ACVR1C: variants seen among roughly 807,000 people sequenced by gnomAD.
The protein encoded by ACVR1C is activin A receptor type 1C.
In ACVR1C, 23 loss-of-function variants were observed where a neutral mutation model predicts 57.9. The observed-to-expected ratio is 0.40, with a 90% CI of 0.29 to 0.56. The LOEUF is 0.56. Among genes scored for constraint, ACVR1C ranks in the 20% least tolerant of loss-of-function variants. ACVR1C has a pLI of 0.50. For missense variants in ACVR1C, 480 were observed against 607.9 expected (o/e 0.79, Z 2.21); for synonymous variants, 214 against 215.3 (o/e 0.99, Z 0.05).
In ACVR1C at chr2:157,541,011, G is replaced by C. The variant is rs76224828; in HGVS notation, c.1225+79C>G. The C allele has an allele frequency of 2.8e-3, 4,140 of 1,489,510 alleles. 100 individuals carry two copies. The African/African-American group carries it at 0.05, about 18-fold the overall frequency. 92.3% of individuals were successfully genotyped at this position (1,489,510 alleles called of 1,614,324 possible). A position where few individuals can be genotyped will look rare whatever the true frequency, so the allele number is the denominator to read the frequency against. On this transcript the variant is annotated intron_variant, in intron 7 of 8. Transcript: ENST00000243349. ...GAAACTGATTGAATATAGTGCTTAGGGGAAAAAGATAGAATATCACATCTT... is the reference window on the plus strand; with the variant it reads ...GAAACTGATTGAATATAGTGCTTAGCGGAAAAAGATAGAATATCACATCTT...
intron 1 of ACVR1C, among the ~76,000 whole-genome samples, chr2:157,627,572 C>T (rs1682924092): frequency 6.6e-6 from 1 of 152,074 alleles, no homozygotes; most frequent in Non-Finnish European, 1.5e-5. Flanking sequence ...AAGAGGAAAA[C>T]GACCCACCAT....
intron 1 of ACVR1C, among the ~76,000 whole-genome samples, chr2:157,625,839 G>A (rs1283986522): frequency 6.6e-6 from 1 of 152,082 alleles, no homozygotes; most frequent in Admixed American, 6.5e-5. Flanking sequence ...AGAACTCCAG[G>A]ACATTTTCTG....
At chr2:157,561,472 C>A (rs1360910265) in intron 2 of ACVR1C, among the ~76,000 whole-genome samples, 1 of 152,126 alleles carries the variant, frequency 6.6e-6, no homozygotes, top group African/African-American at 2.4e-5. Flanking sequence ...GATGTTCTGT[C>A]CATCCATCCC....
At chr2:157,550,026 A>T in intron 4 of ACVR1C, 136 bp downstream of exon 4, 12 of 754,436 alleles carry the variant, frequency 1.6e-5, no homozygotes, top group East Asian at 2.7e-5. Flanking sequence ...AAGAAAGAAA[A>T]GGAAAAGGAA....
At chr2:157,608,819 G>C (rs1682465084) in intron 1 of ACVR1C, among the ~76,000 whole-genome samples, 2 of 151,696 alleles carry the variant, frequency 1.3e-5, no homozygotes, top group South Asian at 4.1e-4. Flanking sequence ...ATCAATTATA[G>C]TATCTCCTTG....
intron 2 of ACVR1C, among the ~76,000 whole-genome samples, chr2:157,575,663 C>T (rs1181136771): frequency 6.6e-6 from 1 of 152,152 alleles, no homozygotes; most frequent in Non-Finnish European, 1.5e-5. Context: ...CATTTAGCTG[C>T]AAGAGTAGCT....
chr2:157,550,467 G>T, intron 3 of ACVR1C, 75 bp from the exon 4 acceptor site: 1 of 1,388,832 alleles, frequency 7.2e-7, no homozygotes, highest in Non-Finnish European at 1.0e-6. Flanking sequence ...ACTGTTTTCA[G>T]ATTTTAAAAA....
At position 157,596,840 on chromosome 2, in the gene ACVR1C, G is replaced by GA. The variant is rs1312326469; in HGVS notation, c.74-9424dup. Among the ~76,000 whole-genome samples the GA allele has an allele frequency of 2.0e-5, 3 of 152,250 alleles. No homozygotes were observed. In the East Asian group the frequency reaches 5.8e-4, roughly 29 times the overall value. On this transcript the variant is annotated intron_variant, in intron 1 of 8. Transcript: ENST00000243349. ...TTGGCAAAGAGTCAAGGCAGGGAGGGAGGGAGAGAGGAGAGAGAAAAGACA... is the reference window on the plus strand; with the variant it reads ...TTGGCAAAGAGTCAAGGCAGGGAGGGAAGGGAGAGAGGAGAGAGAAAAGACA...
chr2:157,536,506 TTC>T (rs1168760148), intron 8 of ACVR1C, among the ~76,000 whole-genome samples: 1 of 152,142 alleles, frequency 6.6e-6, no homozygotes, highest in Non-Finnish European at 1.5e-5. Flanking sequence ...GAATAATAAC[TTC>T]AAGGTGTTTA....
chr2:157,550,089 A>ATTT, intron 4 of ACVR1C, 73 bp downstream of exon 4: 1 of 1,229,852 alleles, frequency 8.1e-7, no homozygotes, highest in Non-Finnish European at 1.1e-6. Context: ...ACTAGACAAC[A>ATTT]TTTTTTTTTT....
At chr2:157,623,951 T>A (rs1002252522) in intron 1 of ACVR1C, among the ~76,000 whole-genome samples, 1 of 152,190 alleles carries the variant, frequency 6.6e-6, no homozygotes, top group African/African-American at 2.4e-5. Context: ...ACACTCTTTA[T>A]GCTTAGAATT....
chr2:157,608,885 G>C (rs6753195), intron 1 of ACVR1C, among the ~76,000 whole-genome samples: 10,279 of 151,812 alleles, frequency 0.068, 410 homozygotes, highest in Middle Eastern at 0.13. Flanking sequence ...CTAGTTAACA[G>C]TTTATGACTT....
At chr2:157,549,315 A>G (rs1480162043) in intron 4 of ACVR1C, among the ~76,000 whole-genome samples, 1 of 152,160 alleles carries the variant, frequency 6.6e-6, no homozygotes, top group Admixed American at 6.5e-5. Flanking sequence ...CAGTGAGCTG[A>G]GATCGTGCCA....
chr2:157,548,866 C>T (rs1413695077), intron 4 of ACVR1C, among the ~76,000 whole-genome samples: 1 of 152,164 alleles, frequency 6.6e-6, no homozygotes, highest in Non-Finnish European at 1.5e-5. Flanking sequence ...CTAAAATTGT[C>T]TCACTTGCCA....
intron 2 of ACVR1C, among the ~76,000 whole-genome samples, chr2:157,577,594 A>C (rs1688694317): frequency 6.6e-6 from 1 of 152,196 alleles, no homozygotes; most frequent in Non-Finnish European, 1.5e-5. Flanking sequence ...TTGTTTGTTT[A>C]ATATATGTAT....
intron 1 of ACVR1C, among the ~76,000 whole-genome samples, chr2:157,603,277 C>A (rs1263369600): frequency 1.3e-5 from 2 of 152,124 alleles, no homozygotes; most frequent in Admixed American, 6.5e-5. Context: ...ATAACTTTTC[C>A]TCTTACCTTT....
intron 2 of ACVR1C, among the ~76,000 whole-genome samples, chr2:157,563,872 T>G (rs909325816): frequency 6.6e-6 from 1 of 152,176 alleles, no homozygotes; most frequent in Non-Finnish European, 1.5e-5. Flanking sequence ...GGGGAAAAGA[T>G]TCCCTATTTA....
At chr2:157,581,474 C>T (rs1042719025) in intron 2 of ACVR1C, among the ~76,000 whole-genome samples, 3 of 152,114 alleles carry the variant, frequency 2.0e-5, no homozygotes. Flanking sequence ...TAAGGATACA[C>T]ACCTACTAGG....
intron 2 of ACVR1C, 57 bp downstream of exon 2, chr2:157,587,130 C>T (rs1268770348): frequency 1.4e-6 from 2 of 1,422,112 alleles, no homozygotes; most frequent in African/African-American, 1.4e-5. Context: ...TCCTACCATT[C>T]TTATAGTTTC....
Sources: allele counts gnomAD v4.1 joint callset (sites outside exome capture counted in the v4.1 genomes callset), GRCh38; gene constraint gnomAD v4.1.1; transcripts MANE v1.5; gene names NCBI Gene and HGNC (gene_info 2026-07-23, HGNC 2026-07-21).